The following ARHGAP42 variants were observed in gnomAD, a reference collection of about 807,000 sequenced individuals.
ARHGAP42 encodes Rho GTPase activating protein 42.
A neutral mutation model predicts 125.0 loss-of-function variants in ARHGAP42; 63 were observed. That is an observed-to-expected ratio of 0.50 (90% CI 0.41 to 0.62). The LOEUF (loss-of-function observed/expected upper bound fraction) is 0.62, where lower values mean the gene tolerates loss of function less well. ARHGAP42 is among the 20% of genes least tolerant of loss of function. ARHGAP42 has a pLI of 0.00. For synonymous variants in ARHGAP42, 339 were observed against 351.0 expected (o/e 0.97, Z 0.38); for missense variants, 766 against 1,024.2 (o/e 0.75, Z 3.44).
chr11:100,891,775 A>G (rs1013687405), intron 4 of ARHGAP42, among the ~76,000 whole-genome samples: 3 of 152,102 alleles, frequency 2.0e-5, no homozygotes, highest in Admixed American at 2.0e-4. Context: ...TGCAATAGAG[A>G]CAGATAGTTT....
chr11:100,802,351 C>T (rs895180480), intron 3 of ARHGAP42, among the ~76,000 whole-genome samples: 1 of 151,956 alleles, frequency 6.6e-6, no homozygotes, highest in African/African-American at 2.4e-5. Flanking sequence ...ACTCTCGCCT[C>T]CATGCCACTG....
intron 4 of ARHGAP42, among the ~76,000 whole-genome samples, chr11:100,879,837 G>A (rs1865913207): frequency 6.6e-6 from 1 of 152,052 alleles, no homozygotes; most frequent in African/African-American, 2.4e-5. Flanking sequence ...CAGGTGAGAG[G>A]GTCGTTTGGC....
intron 6 of ARHGAP42, among the ~76,000 whole-genome samples, chr11:100,929,277 GATCT>G (rs1353343666): frequency 1.3e-5 from 2 of 152,134 alleles, no homozygotes; most frequent in Admixed American, 1.3e-4. Context: ...TGCCAGCACT[GATCT>G]GATAGGAGGC....
At chr11:100,689,788 G>A (rs6590809) in intron 1 of ARHGAP42, among the ~76,000 whole-genome samples, 1 of 152,096 alleles carries the variant, frequency 6.6e-6, no homozygotes, top group African/African-American at 2.4e-5. Flanking sequence ...AAAAGGAAAA[G>A]ATTTTATTCC....
intron 1 of ARHGAP42, among the ~76,000 whole-genome samples, chr11:100,746,161 AG>A (rs1862298265): frequency 6.6e-6 from 1 of 152,016 alleles, no homozygotes; most frequent in African/African-American, 2.4e-5. Context: ...GGGATGAATA[AG>A]GGCTGACTGA....
intron 1 of ARHGAP42, among the ~76,000 whole-genome samples, chr11:100,691,252 T>C (rs1861183986): frequency 6.6e-6 from 1 of 152,242 alleles, no homozygotes; most frequent in Non-Finnish European, 1.5e-5. Flanking sequence ...TTAACAGGTC[T>C]CAGTCTTAAA....
intron 1 of ARHGAP42, among the ~76,000 whole-genome samples, chr11:100,754,296 G>T (rs549306654): frequency 6.6e-6 from 1 of 152,198 alleles, no homozygotes; most frequent in Non-Finnish European, 1.5e-5. Flanking sequence ...GAACATTAAA[G>T]AAATCTTTCT....
intron 5 of ARHGAP42, among the ~76,000 whole-genome samples, chr11:100,914,538 AAT>A (rs1867013659): frequency 6.8e-6 from 1 of 146,194 alleles, no homozygotes; most frequent in South Asian, 2.2e-4. Context: ...AACAACAACA[AAT>A]GTGAAGCAGC....
intron 1 of ARHGAP42, among the ~76,000 whole-genome samples, chr11:100,710,888 G>A (rs1214230005): frequency 6.6e-6 from 1 of 152,074 alleles, no homozygotes; most frequent in Non-Finnish European, 1.5e-5. Flanking sequence ...TTGGCTTCAG[G>A]CTCTTTATGG....
chr11:100,852,952 G>A (rs660410), intron 3 of ARHGAP42, among the ~76,000 whole-genome samples: 21,344 of 152,034 alleles, frequency 0.14, 1,999 homozygotes, highest in African/African-American at 0.26. Flanking sequence ...GCAGGAGCGA[G>A]TATTTAACCT....
At chr11:100,903,331 T>A (rs1303461860) in intron 4 of ARHGAP42, among the ~76,000 whole-genome samples, 1 of 151,826 alleles carries the variant, frequency 6.6e-6, no homozygotes, top group Admixed American at 6.6e-5. Context: ...TGTTATAAGT[T>A]GTCTAAGTAG....
intron 1 of ARHGAP42, among the ~76,000 whole-genome samples, chr11:100,723,694 G>A (rs998388403): frequency 1.3e-5 from 2 of 152,042 alleles, no homozygotes; most frequent in Middle Eastern, 3.2e-3. Flanking sequence ...AACATGTACA[G>A]TCTTGTCATC....
chr11:100,884,612 A>G (rs907767259), intron 4 of ARHGAP42, among the ~76,000 whole-genome samples: 4 of 152,200 alleles, frequency 2.6e-5, no homozygotes, highest in Non-Finnish European at 5.9e-5. Context: ...ATCATTGTTG[A>G]CGCAAAGCAG....
At position 100,989,122 on chromosome 11, in the gene ARHGAP42, GA is replaced by G; in HGVS notation, c.*324del. The stretch of plus-strand genomic sequence containing the variant: ...ATACTGTGTTAAATACTGTATCCCA[GA>G]AATTTGGAAACCAGAAATCTGCTAT... On this transcript the variant is annotated 3_prime_UTR_variant, in exon 24 of 24. Transcript: ENST00000298815. 2.5e-6 allele frequency: 1 copy of G among 402,246 alleles called. No individual in the cohort carries two copies. The allele number at this position is 402,246 out of a possible 1,614,324, so 24.9% of individuals were successfully genotyped here. A position where few individuals can be genotyped will look rare whatever the true frequency, so the allele number is the denominator to read the frequency against.
At chr11:100,730,962 A>G (rs1861947362) in intron 1 of ARHGAP42, among the ~76,000 whole-genome samples, 1 of 152,136 alleles carries the variant, frequency 6.6e-6, no homozygotes, top group Non-Finnish European at 1.5e-5. Context: ...TGGGACCACT[A>G]TCCTATATGC....
intron 3 of ARHGAP42, among the ~76,000 whole-genome samples, chr11:100,809,363 C>T (rs935698350): frequency 3.3e-5 from 5 of 152,190 alleles, no homozygotes; most frequent in Non-Finnish European, 1.5e-5. Flanking sequence ...GTTGCATAGA[C>T]TTTCCTTTGA....
Position 100,943,807 on chromosome 11 carries a change from A to G in ARHGAP42, c.982A>G (p.Ile328Val), listed in dbSNP as rs371730002. Residue 328 changes from isoleucine (I) to valine (V), a missense_variant, in exon 10 of 24, where the codon ATC becomes GTC. Ile to Val is a conservative substitution (Grantham distance 29, BLOSUM62 3). This residue lies in a region of ARHGAP42 where 455 missense variants were observed against 636.5 expected (regional missense o/e 0.71). Coordinates refer to ENST00000298815, the MANE Select transcript of ARHGAP42 (RefSeq NM_152432.4). ...GGAAATGTTTAAATTAAAATCTTGT[A>G]TCCGACGAAAGACAGATTCAATTGA... The part of the protein sequence containing the change: ...SPEMFKLKSC[I>V]RRKTDSIDKR... The G allele has an allele frequency of 9.6e-5, 149 of 1,549,864 alleles. 1 individual carries two copies. Among genetic ancestry groups the G allele is most frequent in the Non-Finnish European group, 1.3e-4 (145 of 1,145,918 alleles).
At chr11:100,730,021 G>A (rs553194566) in intron 1 of ARHGAP42, among the ~76,000 whole-genome samples, 85 of 152,138 alleles carry the variant, frequency 5.6e-4, no homozygotes, top group South Asian at 1.2e-3. Context: ...ATGTTGGCCA[G>A]GCTGGTGTCA....
chr11:100,859,049 A>T (rs1865386496), intron 3 of ARHGAP42, among the ~76,000 whole-genome samples: 2 of 152,250 alleles, frequency 1.3e-5, no homozygotes, highest in South Asian at 4.1e-4. Flanking sequence ...GGTTGGAAAC[A>T]TTATGAGAAT....
Sources: allele counts gnomAD v4.1 joint callset (sites outside exome capture counted in the v4.1 genomes callset), GRCh38; gene constraint gnomAD v4.1.1; regional missense constraint gnomAD v4.1.1; transcripts MANE v1.5; gene names NCBI Gene and HGNC (gene_info 2026-07-23, HGNC 2026-07-21).